SLBP: variants seen among roughly 807,000 people sequenced by gnomAD.
SLBP encodes stem-loop histone mRNA binding protein, also known as histone RNA hairpin-binding protein.
A neutral mutation model predicts 39.2 loss-of-function variants in SLBP; 29 were observed. The observed-to-expected ratio is 0.74, with a 90% CI of 0.55 to 1.01. The LOEUF (loss-of-function observed/expected upper bound fraction) is 1.01. Ranked by LOEUF, SLBP falls within the 50% of genes least tolerant of loss-of-function variation. The probability of loss-of-function intolerance (pLI) is 0.00; values close to 1 mark genes in which losing one functional copy is unlikely to be tolerated. For synonymous variants in SLBP, 129 were observed against 118.7 expected (o/e 1.09, Z -0.57); for missense variants, 390 against 350.2 (o/e 1.11, Z -0.91).
At chr4:1,701,146 C>CTTTTTTTTTTTTTTTTTT (rs369039404) in intron 3 of SLBP, among the ~76,000 whole-genome samples, 2 of 123,676 alleles carry the variant, frequency 1.6e-5, no homozygotes, top group Non-Finnish European at 3.3e-5. Context: ...TCTTTTTTTT[C>CTTTTTTTTTTTTTTTTTT]TTTTTTTTTT....
At chr4:1,708,909 A>G (rs1470701414) in intron 2 of SLBP, among the ~76,000 whole-genome samples, 6 of 152,244 alleles carry the variant, frequency 3.9e-5, no homozygotes, top group Non-Finnish European at 7.3e-5. Context: ...AAAAACTTCC[A>G]TAACTTCTAA....
chr4:1,704,925 TC>T (rs1416944611), intron 2 of SLBP, among the ~76,000 whole-genome samples: 1 of 146,418 alleles, frequency 6.8e-6, no homozygotes, highest in Admixed American at 6.8e-5. Context: ...ACTGACCCAT[TC>T]TTTTTTTTTT....
chr4:1,694,768 A>T lies in SLBP; in HGVS notation c.696+6T>A, dbSNP rs1716043360. ...CCAAGCTGAAAGACTTATCCAAAGT[A>T]CTTACAAAGTCATCCTGAGAGCTGG... On this transcript the variant is annotated splice_donor_region_variant and intron_variant, in intron 7 of 7. Transcript: ENST00000489418. 6.2e-7 allele frequency: 1 copy of T among 1,603,486 alleles called. No individual in the cohort carries two copies. Among genetic ancestry groups the T allele is most frequent in the Non-Finnish European group, 8.5e-7 (1 of 1,170,214 alleles).
Position 1,712,123 on chromosome 4 carries a change from G to A in SLBP, c.59+7C>T, listed in dbSNP as rs1027707905. The A allele has an allele frequency of 2.4e-6, 3 of 1,228,254 alleles. No homozygotes were observed. The highest frequency in any genetic ancestry group is 7.7e-5 in the South Asian group (2 of 25,812). 76.1% of individuals were successfully genotyped at this position (1,228,254 alleles called of 1,614,324 possible). On this transcript the variant is annotated splice_region_variant and intron_variant, in intron 1 of 7. Coordinates refer to ENST00000489418, the MANE Select transcript of SLBP (RefSeq NM_006527.4). ...GCTCCCTCGCCCGCCGCGCAGCCCG[G>A]CCTCACCTGGCGTCACCGTCGCAGC...
In SLBP at chr4:1,699,296, TA is replaced by T. The variant is rs1283377794; in HGVS notation, c.479+267del. Among the ~76,000 whole-genome samples, 3 of 152,210 alleles carry T rather than the reference TA, an allele frequency of 2.0e-5. No individual in the cohort carries two copies. In the East Asian group the frequency reaches 5.8e-4, roughly 29 times the overall value. Reference sequence around the variant, plus strand: ...TCCCCATCATGTATTTTAATAAGCTTACATCTATGATTGCTGACTCCTAAGA... The same window carrying T: ...TCCCCATCATGTATTTTAATAAGCTTCATCTATGATTGCTGACTCCTAAGA... On this transcript the variant is annotated intron_variant, in intron 5 of 7. Coordinates refer to ENST00000489418, the MANE Select transcript of SLBP (RefSeq NM_006527.4).
In SLBP at chr4:1,693,677, T is replaced by C. The variant is rs1176767024; in HGVS notation, c.733A>G (p.Met245Val). 6 of 1,613,674 alleles carry C rather than the reference T, an allele frequency of 3.7e-6. No homozygotes were observed. The highest frequency in any genetic ancestry group is 1.1e-5 in the South Asian group (1 of 91,076). Residue 245 changes from methionine to valine, a missense_variant, in exon 8 of 8, where the codon ATG becomes GTG. Coordinates refer to ENST00000489418, the MANE Select transcript of SLBP (RefSeq NM_006527.4). ...YSGTPTKVRH[M>V]DSQVEDEFDL... ...AACTCATCCTCCACTTGACTGTCCA[T>C]GTGTCTCACCTTGGTGGGTGTGCCA...
At chr4:1,701,146 CTTTTTTT>C (rs369039404) in intron 3 of SLBP, among the ~76,000 whole-genome samples, 31 of 123,676 alleles carry the variant, frequency 2.5e-4, no homozygotes, top group South Asian at 2.3e-3. Flanking sequence ...TCTTTTTTTT[CTTTTTTT>C]TTTTTTTTTT....
intron 3 of SLBP, among the ~76,000 whole-genome samples, chr4:1,701,146 C>CTTTTTTTTTTTTTTTTTTT (rs369039404): frequency 2.4e-5 from 3 of 123,676 alleles, no homozygotes; most frequent in Non-Finnish European, 4.9e-5. Flanking sequence ...TCTTTTTTTT[C>CTTTTTTTTTTTTTTTTTTT]TTTTTTTTTT....
intron 2 of SLBP, among the ~76,000 whole-genome samples, chr4:1,709,474 C>G (rs1002604333): frequency 6.6e-6 from 1 of 152,168 alleles, no homozygotes; most frequent in Non-Finnish European, 1.5e-5. Flanking sequence ...TTGCAGGCTC[C>G]TAGTTAAGCC....
In SLBP at chr4:1,699,544, T is replaced by C. The variant is rs760452929; in HGVS notation, c.479+20A>G. The stretch of plus-strand genomic sequence containing the variant: ...AATGCCACACAGCTTGTTCAAGACA[T>C]GCCACTGAAACAAGACTACCTTGGG... On this transcript the variant is annotated intron_variant, in intron 5 of 7. Transcript: ENST00000489418. 1.9e-6 allele frequency: 3 copies of C among 1,613,144 alleles called. No individual in the cohort carries two copies. Among genetic ancestry groups the C allele is most frequent in the South Asian group, 2.2e-5 (2 of 91,070 alleles).
chr4:1,699,472 C>T, intron 5 of SLBP, 92 bp downstream of exon 5: 1 of 1,257,240 alleles, frequency 8.0e-7, no homozygotes, highest in Non-Finnish European at 1.1e-6. Flanking sequence ...GTGAACTATC[C>T]CCAGCATCAT....
chr4:1,706,191 CAGG>C (rs753747142), intron 2 of SLBP, among the ~76,000 whole-genome samples: 16 of 152,142 alleles, frequency 1.1e-4, no homozygotes, highest in Non-Finnish European at 1.2e-4. Context: ...GAGGCTGAGG[CAGG>C]AGAACTGCTT....
At chr4:1,700,138 G>A in intron 3 of SLBP, 68 bp from the exon 4 acceptor site, 1 of 1,108,660 alleles carries the variant, frequency 9.0e-7, no homozygotes, top group Non-Finnish European at 1.3e-6. Flanking sequence ...GTCTGAGGAA[G>A]CTCCACCCTG....
chr4:1,698,828 C>T (rs1256630313), intron 5 of SLBP, among the ~76,000 whole-genome samples: 2 of 142,458 alleles, frequency 1.4e-5, no homozygotes, highest in African/African-American at 2.6e-5. Flanking sequence ...TCATACTCTG[C>T]AGCCCAGGCT....
intron 7 of SLBP, 82 bp from the exon 8 acceptor site, chr4:1,693,795 G>A: frequency 3.8e-6 from 3 of 799,978 alleles, no homozygotes; most frequent in Non-Finnish European, 4.4e-6. Context: ...CTCCTTATGT[G>A]GTAAATCATG....
chr4:1,702,014 C>G (rs1716347051), intron 3 of SLBP, among the ~76,000 whole-genome samples: 2 of 152,154 alleles, frequency 1.3e-5, no homozygotes, highest in Admixed American at 1.3e-4. Context: ...TTTTCAGGCA[C>G]AGACCCATGA....
intron 7 of SLBP, 146 bp from the exon 8 acceptor site, chr4:1,693,859 A>G (rs771504217): frequency 1.6e-6 from 1 of 635,822 alleles, no homozygotes; most frequent in Non-Finnish European, 2.8e-6. Context: ...ACAGATTTTA[A>G]TAATAACACT....
At chr4:1,699,062 A>G (rs2109118954) in intron 5 of SLBP, among the ~76,000 whole-genome samples, 1 of 152,314 alleles carries the variant, frequency 6.6e-6, no homozygotes, top group East Asian at 1.9e-4. Flanking sequence ...TACAAGCATG[A>G]GCCATTGCAC....
intron 7 of SLBP, 89 bp downstream of exon 7, chr4:1,694,685 C>T: frequency 2.1e-6 from 2 of 964,330 alleles, no homozygotes; most frequent in South Asian, 2.6e-5. Context: ...GCCACCGTGC[C>T]CAGTCCAAAC....
Sources: gnomAD v4.1 joint callset for allele counts (sites outside exome capture counted in the v4.1 genomes callset) on GRCh38, gnomAD v4.1.1 for gene constraint, MANE v1.5 for transcripts, NCBI Gene and HGNC (gene_info 2026-07-23, HGNC 2026-07-21) for gene names.